Variants in NEO1 observed in about 807,000 individuals in gnomAD.
NEO1 encodes neogenin.
Under a neutral mutation model 159.7 loss-of-function variants are expected in NEO1, and 63 were observed. The ratio of observed to expected loss-of-function variants is 0.39; its 90% CI spans 0.32 to 0.49. The LOEUF (loss-of-function observed/expected upper bound fraction) is 0.49. NEO1 is among the 20% of genes least tolerant of loss of function. The pLI, the probability that NEO1 is intolerant of heterozygous loss-of-function variation, is 0.85. For missense variants in NEO1, 1,615 were observed against 1,831.0 expected (o/e 0.88, Z 2.15); for synonymous variants, 633 against 662.0 (o/e 0.96, Z 0.67).
chr15:73,173,063 A>G (rs1234801686), intron 5 of NEO1, among the ~76,000 whole-genome samples: 1 of 152,212 alleles, frequency 6.6e-6, no homozygotes, highest in Non-Finnish European at 1.5e-5. Flanking sequence ...AGTCTCCCAT[A>G]AATTTTATTT....
chr15:73,195,423 C>T (rs1273340867), intron 7 of NEO1, among the ~76,000 whole-genome samples: 1 of 152,074 alleles, frequency 6.6e-6, no homozygotes, highest in South Asian at 2.1e-4. Flanking sequence ...GTGTGTTTTT[C>T]ATTTTAGGTT....
chr15:73,160,525 G>GGT (rs944777239), intron 5 of NEO1, among the ~76,000 whole-genome samples: 1 of 152,108 alleles, frequency 6.6e-6, no homozygotes, highest in African/African-American at 2.4e-5. Context: ...CTCTTCAGGT[G>GGT]GTAGTCCCAA....
intron 1 of NEO1, among the ~76,000 whole-genome samples, chr15:73,070,687 A>G (rs2068488688): frequency 6.6e-6 from 1 of 152,066 alleles, no homozygotes; most frequent in African/African-American, 2.4e-5. Flanking sequence ...TACATATGGC[A>G]AAGTTTAATT....
At chr15:73,259,732 C>T (rs2040532791) in intron 14 of NEO1, among the ~76,000 whole-genome samples, 1 of 152,186 alleles carries the variant, frequency 6.6e-6, no homozygotes, top group African/African-American at 2.4e-5. Context: ...TAAATTTCCT[C>T]CTTTGTAAGC....
chr15:73,272,888 T>A (rs1182952030), intron 19 of NEO1, among the ~76,000 whole-genome samples: 2 of 151,010 alleles, frequency 1.3e-5, no homozygotes, highest in African/African-American at 4.9e-5. Flanking sequence ...GATGGACAGC[T>A]TCAGAATTAT....
intron 5 of NEO1, among the ~76,000 whole-genome samples, chr15:73,147,945 C>G (rs1341680106): frequency 6.6e-6 from 1 of 151,922 alleles, no homozygotes. Flanking sequence ...TCCTGAGTAG[C>G]TGGGATTACA....
intron 7 of NEO1, among the ~76,000 whole-genome samples, chr15:73,181,915 A>G (rs2035633346): frequency 6.6e-6 from 1 of 152,204 alleles, no homozygotes; most frequent in Non-Finnish European, 1.5e-5. Flanking sequence ...GTTCTGGGTA[A>G]CTAGGTGTAT....
Position 73,254,763 on chromosome 15 carries a change from G to T in NEO1, c.2026G>T (p.Ala676Ser). 1 of 1,614,070 alleles carries T rather than the reference G, an allele frequency of 6.2e-7. No individual in the cohort carries two copies. ...ITGYKIRYRK[A>S]SRKSDVTETL... ...TGGCTACAAGATTCGCTACCGAAAG[G>T]CCTCCCGAAAGAGTGATGTCACTGA... The change falls in exon 13 of 29, where the codon GCC (alanine) becomes TCC (serine). Residue 676 changes from alanine to serine, a missense_variant. Ala to Ser is a moderately conservative substitution (Grantham distance 99). Around this residue, in one of 3 missense-constraint regions of NEO1, gnomAD observed 1,018 missense variants for 1,115.4 expected, o/e 0.91. Transcript: ENST00000261908.
At chr15:73,081,661 G>C (rs889036739) in intron 1 of NEO1, among the ~76,000 whole-genome samples, 5 of 150,858 alleles carry the variant, frequency 3.3e-5, no homozygotes, top group Non-Finnish European at 5.9e-5. Context: ...CTGTAGCCTC[G>C]ACCTCCTGGA....
chr15:73,136,131 A>G, intron 5 of NEO1, 104 bp downstream of exon 5: 1 of 988,870 alleles, frequency 1.0e-6, no homozygotes, highest in Non-Finnish European at 1.4e-6. Context: ...CAAAACAATT[A>G]AAAGCATAAC....
At chr15:73,135,799 A>G in intron 4 of NEO1, 92 bp from the exon 5 acceptor site, 1 of 1,120,164 alleles carries the variant, frequency 8.9e-7, no homozygotes, top group Non-Finnish European at 1.2e-6. Flanking sequence ...AATACTCTTT[A>G]AGTGTTTTCT....
chr15:73,165,639 G>A (rs1338557467), intron 5 of NEO1, among the ~76,000 whole-genome samples: 1 of 152,204 alleles, frequency 6.6e-6, no homozygotes. Flanking sequence ...AGAGTTCTTT[G>A]TCTCAGTGAT....
intron 5 of NEO1, among the ~76,000 whole-genome samples, chr15:73,161,452 C>G (rs993859411): frequency 6.6e-6 from 1 of 151,728 alleles, no homozygotes; most frequent in African/African-American, 2.4e-5. Context: ...TGAATAGAAA[C>G]AGTGCTACTT....
chr15:73,232,477 C>T (rs2038961380), intron 7 of NEO1, among the ~76,000 whole-genome samples: 1 of 152,152 alleles, frequency 6.6e-6, no homozygotes, highest in South Asian at 2.1e-4. Context: ...CATTCAAAAT[C>T]TGGATTATTT....
intron 1 of NEO1, among the ~76,000 whole-genome samples, chr15:73,074,385 C>T (rs2068673061): frequency 6.6e-6 from 1 of 152,024 alleles, no homozygotes; most frequent in African/African-American, 2.4e-5. Flanking sequence ...ATCTCTCTGA[C>T]TGTTTTGTTG....
chr15:73,285,850 A>G (rs892869919), intron 23 of NEO1, among the ~76,000 whole-genome samples: 3 of 151,956 alleles, frequency 2.0e-5, no homozygotes, highest in African/African-American at 7.2e-5. Flanking sequence ...ACTGGTAATC[A>G]TCGTTTCCTC....
At chr15:73,167,577 C>G (rs192650923) in intron 5 of NEO1, among the ~76,000 whole-genome samples, 24 of 152,296 alleles carry the variant, frequency 1.6e-4, no homozygotes, top group Non-Finnish European at 2.4e-4. Flanking sequence ...CCCACATTCA[C>G]AGCTGCATTA....
intron 19 of NEO1, 77 bp from the exon 20 acceptor site, chr15:73,273,734 T>C: frequency 1.0e-6 from 1 of 962,272 alleles, no homozygotes; most frequent in South Asian, 1.6e-5. Context: ...TATGATATAA[T>C]AGGTACTTAT....
At chr15:73,110,527 G>A (rs1046530309) in intron 1 of NEO1, among the ~76,000 whole-genome samples, 7 of 152,156 alleles carry the variant, frequency 4.6e-5, no homozygotes, top group Admixed American at 1.3e-4. Context: ...CGAGGGATAT[G>A]ATTTGTTGAT....
Sources: gnomAD v4.1 joint callset for allele counts (sites outside exome capture counted in the v4.1 genomes callset) on GRCh38, gnomAD v4.1.1 for gene constraint, gnomAD v4.1.1 regional missense constraint, MANE v1.5 for transcripts, NCBI Gene and HGNC (gene_info 2026-07-23, HGNC 2026-07-21) for gene names.